LRP1B: variants seen among roughly 807,000 people sequenced by gnomAD.
LRP1B encodes LDL receptor related protein 1B.
LRP1B carries 217 observed loss-of-function variants against 556.6 expected under a neutral mutation model. That is an observed-to-expected ratio of 0.39 (90% CI 0.35 to 0.44). LRP1B has a LOEUF of 0.44. LRP1B is among the 20% of genes least tolerant of loss of function. The pLI is 1.00. For missense variants in LRP1B, 5,053 were observed against 5,620.8 expected, an observed-to-expected ratio of 0.90 and a Z score of 3.23; for synonymous variants, 2,047 against 1,865.8, an observed-to-expected ratio of 1.10 and a Z score of -2.50.
chr2:140,849,933 T>C (rs1489038200), intron 29 of LRP1B, among the ~76,000 whole-genome samples, 169 bp downstream of exon 29: 4 of 152,210 alleles, frequency 2.6e-5, no homozygotes, highest in African/African-American at 9.6e-5. Context: ...AATTTAATTA[T>C]ACCATTCTAC....
chr2:141,418,859 A>C (rs1282363821), intron 3 of LRP1B, among the ~76,000 whole-genome samples: 1 of 152,044 alleles, frequency 6.6e-6, no homozygotes, highest in Admixed American at 6.5e-5. Context: ...AAGTCTTCTG[A>C]TCCATGAACA....
At chr2:140,599,067 T>C (rs1159518649) in intron 42 of LRP1B, among the ~76,000 whole-genome samples, 1 of 152,148 alleles carries the variant, frequency 6.6e-6, no homozygotes. Context: ...ATAATTATCC[T>C]GTGTATTCCT....
intron 12 of LRP1B, 126 bp from the exon 13 acceptor site, chr2:141,016,041 T>G: frequency 1.4e-6 from 1 of 701,308 alleles, no homozygotes; most frequent in East Asian, 2.6e-5. Context: ...CCTATCTAAG[T>G]GCTTATCTGT....
At chr2:141,159,353 C>CA (rs143012746) in intron 7 of LRP1B, among the ~76,000 whole-genome samples, 2,927 of 152,096 alleles carry the variant, frequency 0.019, 85 homozygotes, top group African/African-American at 0.067. Context: ...GATACTAAAG[C>CA]AATTTAAATC....
chr2:141,669,836 CCT>C (rs1690595371), intron 2 of LRP1B, among the ~76,000 whole-genome samples: 2 of 152,210 alleles, frequency 1.3e-5, no homozygotes, highest in Admixed American at 6.5e-5. Flanking sequence ...CTCACTGCAA[CCT>C]CTGTCTCCCA....
chr2:140,300,870 AT>A (rs1683790688), intron 83 of LRP1B, among the ~76,000 whole-genome samples: 1 of 152,076 alleles, frequency 6.6e-6, no homozygotes, highest in African/African-American at 2.4e-5. Context: ...ACAGAGTTAT[AT>A]TTTAGCTCTG....
rs763368640 is a variant in LRP1B, at chr2:140,356,441, G to C, written c.11431C>G (p.Pro3811Ala). ...TEYTCEDNVN[P>A]CGDDAYCNQI... Reference sequence around the variant, plus strand: ...TTACAATATGCATCATCTCCACATGGATTCACATTATCTTCACAGGTATAT... The same window carrying C: ...TTACAATATGCATCATCTCCACATGCATTCACATTATCTTCACAGGTATAT... The change falls in exon 75 of 91, where the codon CCA (proline) becomes GCA (alanine). Residue 3811 changes from proline to alanine, a missense_variant. Physicochemically the swap from Pro to Ala is conservative, Grantham distance 27. This residue lies in a region of LRP1B where 599 missense variants were observed against 648.4 expected (regional missense o/e 0.92). Coordinates refer to ENST00000389484, the MANE Select transcript of LRP1B (RefSeq NM_018557.3). The C allele has an allele frequency of 2.5e-6, 4 of 1,606,836 alleles. No individual in the cohort carries two copies. The East Asian group carries it at 6.7e-5, about 27-fold the overall frequency.
intron 35 of LRP1B, among the ~76,000 whole-genome samples, chr2:140,749,290 A>G (rs745532962): frequency 6.6e-6 from 1 of 152,152 alleles, no homozygotes; most frequent in Non-Finnish European, 1.5e-5. Context: ...CTTAGGCTAC[A>G]CTAAATTTAT....
intron 60 of LRP1B, among the ~76,000 whole-genome samples, chr2:140,458,691 T>C (rs911878651): frequency 8.5e-5 from 13 of 152,106 alleles, no homozygotes; most frequent in Admixed American, 7.2e-4. Flanking sequence ...ATGTTTGGCA[T>C]ATTCCTCATT....
chr2:141,359,708 AT>A (rs1188310688), intron 3 of LRP1B, among the ~76,000 whole-genome samples: 1 of 152,196 alleles, frequency 6.6e-6, no homozygotes, highest in Non-Finnish European at 1.5e-5. Flanking sequence ...GTGGGCCAAG[AT>A]CGTGCCACCG....
intron 66 of LRP1B, among the ~76,000 whole-genome samples, chr2:140,428,333 C>T (rs936339070): frequency 2.0e-5 from 3 of 152,318 alleles, no homozygotes; most frequent in East Asian, 3.9e-4. Flanking sequence ...CCAGCCACAT[C>T]TCCAGCACAC....
At chr2:141,366,604 C>T (rs941942642) in intron 3 of LRP1B, among the ~76,000 whole-genome samples, 6 of 152,108 alleles carry the variant, frequency 3.9e-5, no homozygotes, top group Non-Finnish European at 8.8e-5. Flanking sequence ...TCTATTTAAC[C>T]CTTCCTCAGT....
At chr2:141,583,588 A>G (rs942961264) in intron 2 of LRP1B, among the ~76,000 whole-genome samples, 16 of 151,910 alleles carry the variant, frequency 1.1e-4, no homozygotes, top group African/African-American at 3.1e-4. Flanking sequence ...ACCTAAAAAC[A>G]CTATGTTTTC....
chr2:141,680,742 T>G (rs1252592099), intron 2 of LRP1B, among the ~76,000 whole-genome samples: 1 of 152,144 alleles, frequency 6.6e-6, no homozygotes, highest in African/African-American at 2.4e-5. Flanking sequence ...GTTGCAAAAT[T>G]TCTAGGAAGT....
chr2:140,318,559 G>A (rs1684629073), intron 82 of LRP1B, among the ~76,000 whole-genome samples: 7 of 152,020 alleles, frequency 4.6e-5, no homozygotes, highest in Admixed American at 4.6e-4. Context: ...TGATTTTAAA[G>A]GGCTATGTGT....
intron 43 of LRP1B, among the ~76,000 whole-genome samples, chr2:140,597,667 AT>A (rs1205029096): frequency 6.6e-6 from 1 of 152,130 alleles, no homozygotes; most frequent in Non-Finnish European, 1.5e-5. Flanking sequence ...GCCATAGAGA[AT>A]TTGTTCTATA....
At chr2:141,374,809 T>C (rs1207196984) in intron 3 of LRP1B, among the ~76,000 whole-genome samples, 2 of 152,236 alleles carry the variant, frequency 1.3e-5, no homozygotes, top group African/African-American at 4.8e-5. Context: ...CAGATTTTTC[T>C]TATATCACAT....
At chr2:140,922,558 G>C (rs1694768768) in intron 21 of LRP1B, among the ~76,000 whole-genome samples, 1 of 151,936 alleles carries the variant, frequency 6.6e-6, no homozygotes, top group Non-Finnish European at 1.5e-5. Context: ...TCTACGGAAA[G>C]AGAAATGCTG....
chr2:141,386,468 A>G (rs1689839258), intron 3 of LRP1B, among the ~76,000 whole-genome samples: 1 of 152,086 alleles, frequency 6.6e-6, no homozygotes, highest in African/African-American at 2.4e-5. Flanking sequence ...TATACTGTCC[A>G]TAGAAGAGTC....
Sources: allele counts gnomAD v4.1 joint callset (sites outside exome capture counted in the v4.1 genomes callset), GRCh38; gene constraint gnomAD v4.1.1; regional missense constraint gnomAD v4.1.1; transcripts MANE v1.5; gene names NCBI Gene and HGNC (gene_info 2026-07-23, HGNC 2026-07-21).